RFX4: variants seen among roughly 807,000 people sequenced by gnomAD.
RFX4 encodes regulatory factor X4.
A neutral mutation model predicts 95.0 loss-of-function variants in RFX4; 10 were observed. The observed-to-expected ratio is 0.11, with a 90% CI of 0.06 to 0.18. The LOEUF is 0.18. Among genes scored for constraint, RFX4 ranks in the 10% least tolerant of loss-of-function variants. The pLI is 1.00. For missense variants in RFX4, 640 were observed against 922.0 expected (o/e 0.69, Z 3.96); for synonymous variants, 321 against 340.7 (o/e 0.94, Z 0.64).
rs549297446 is a variant in RFX4 at position 106,595,708 on chromosome 12, A to G, written c.43+12345A>G. The stretch of plus-strand genomic sequence containing the variant: ...ATTTCACTTAGAATAGGTTCAACAT[A>G]AAAACCTTGCTGTTAAAAGAACAGC... On this transcript the variant is annotated intron_variant, in intron 1 of 17. Coordinates refer to ENST00000392842, the MANE Select transcript of RFX4 (RefSeq NM_213594.3). Among the ~76,000 whole-genome samples, 140 of 152,326 alleles carry G rather than the reference A, an allele frequency of 9.2e-4. 1 individual carries two copies. The South Asian group carries it at 0.022, about 24-fold the overall frequency.
intron 1 of RFX4, among the ~76,000 whole-genome samples, chr12:106,607,362 C>T (rs183856784): frequency 6.6e-6 from 1 of 152,198 alleles, no homozygotes; most frequent in East Asian, 1.9e-4. Context: ...TTTAGAAATA[C>T]ACAAATACAA....
chr12:106,662,133 C>T, intron 4 of RFX4: 1 of 382,580 alleles, frequency 2.6e-6, no homozygotes, highest in Non-Finnish European at 5.2e-6. Context: ...TTGTAATAAA[C>T]TGCCAAACTG....
At chr12:106,693,109 G>C (rs1383496419) in intron 7 of RFX4, 5 of 443,360 alleles carry the variant, frequency 1.1e-5, no homozygotes, top group Admixed American at 7.3e-5. Context: ...CTTCTGCAGG[G>C]AAACACTGCA....
chr12:106,741,321 G>A (rs989785099), intron 15 of RFX4, among the ~76,000 whole-genome samples: 1 of 152,032 alleles, frequency 6.6e-6, no homozygotes, highest in Non-Finnish European at 1.5e-5. Flanking sequence ...GACATACCTA[G>A]AGATACAGGT....
intron 2 of RFX4, among the ~76,000 whole-genome samples, chr12:106,616,220 A>G (rs755822197): frequency 2.6e-5 from 4 of 152,162 alleles, no homozygotes; most frequent in Non-Finnish European, 5.9e-5. Context: ...TGATGATCAT[A>G]TATTTTTCTC....
chr12:106,668,217 C>T (rs1400812349), intron 4 of RFX4, among the ~76,000 whole-genome samples: 1 of 152,168 alleles, frequency 6.6e-6, no homozygotes, highest in African/African-American at 2.4e-5. Flanking sequence ...TATATCACCT[C>T]ATGGTCCAAA....
At chr12:106,744,279 T>G (rs1156652957) in intron 15 of RFX4, among the ~76,000 whole-genome samples, 1 of 152,186 alleles carries the variant, frequency 6.6e-6, no homozygotes, top group Non-Finnish European at 1.5e-5. Context: ...GGAATAGATG[T>G]GCAAAGCAGG....
At chr12:106,678,490 A>AG (rs1473383100) in intron 4 of RFX4, among the ~76,000 whole-genome samples, 1 of 152,256 alleles carries the variant, frequency 6.6e-6, no homozygotes, top group Non-Finnish European at 1.5e-5. Flanking sequence ...AAGGAAAGAA[A>AG]GAAAAAAATA....
At chr12:106,602,573 G>T (rs770057096) in intron 1 of RFX4, among the ~76,000 whole-genome samples, 1 of 152,056 alleles carries the variant, frequency 6.6e-6, no homozygotes, top group Non-Finnish European at 1.5e-5. Flanking sequence ...CCACCTCCCC[G>T]TCAGTCACTC....
intron 4 of RFX4, among the ~76,000 whole-genome samples, chr12:106,663,143 A>G (rs542044101): frequency 3.3e-5 from 5 of 152,108 alleles, no homozygotes; most frequent in Non-Finnish European, 7.4e-5. Flanking sequence ...GTTGATCAAG[A>G]TGGGAATAAC....
chr12:106,747,599 G>A lies in RFX4; in HGVS notation c.1796G>A (p.Gly599Glu), dbSNP rs1222780118. The A allele has an allele frequency of 1.2e-6, 2 of 1,612,948 alleles. No individual in the cohort carries two copies. The highest frequency in any genetic ancestry group is 8.5e-7 in the Non-Finnish European group (1 of 1,179,308). ...GTTTATCCCCACAGAGAGGAACATGGGTAGGTAACTTTCCAGGGATGCTGC... is the reference window on the plus strand; with the variant it reads ...GTTTATCCCCACAGAGAGGAACATGAGTAGGTAACTTTCCAGGGATGCTGC... ...IPVYPHREEH[G>E]YTGSYNYGSY... Residue 599 changes from glycine to glutamate, a missense_variant and splice_region_variant, in exon 16 of 18, where the codon GGA becomes GAA. Transcript: ENST00000392842.
chr12:106,653,903 A>G (rs2040905098), intron 3 of RFX4, among the ~76,000 whole-genome samples: 1 of 152,150 alleles, frequency 6.6e-6, no homozygotes, highest in African/African-American at 2.4e-5. Context: ...ACAAGACCCT[A>G]TGTAGTTTTT....
intron 8 of RFX4, among the ~76,000 whole-genome samples, chr12:106,702,063 G>A (rs964471082): frequency 6.6e-6 from 1 of 151,954 alleles, no homozygotes; most frequent in East Asian, 1.9e-4. Flanking sequence ...AATTATTTAT[G>A]TGTTCTTCTG....
intron 2 of RFX4, among the ~76,000 whole-genome samples, chr12:106,622,764 G>T (rs964796727): frequency 7.2e-5 from 11 of 151,936 alleles, no homozygotes; most frequent in African/African-American, 2.4e-4. Flanking sequence ...TGGACTACAG[G>T]CACGTGCCAC....
At chr12:106,652,941 T>C (rs1324278521) in intron 3 of RFX4, among the ~76,000 whole-genome samples, 1 of 152,150 alleles carries the variant, frequency 6.6e-6, no homozygotes, top group East Asian at 1.9e-4. Context: ...GACCAAAAAA[T>C]TGGGGGTGGG....
intron 2 of RFX4, among the ~76,000 whole-genome samples, chr12:106,627,943 A>T (rs61168723): frequency 0.033 from 5,089 of 152,286 alleles, 214 homozygotes; most frequent in African/African-American, 0.099. Context: ...CCAGGACAGG[A>T]TTCAACAGGA....
chr12:106,629,600 G>C (rs891058188), intron 2 of RFX4, among the ~76,000 whole-genome samples: 4 of 152,046 alleles, frequency 2.6e-5, no homozygotes, highest in Admixed American at 6.6e-5. Flanking sequence ...TCCTACCTCA[G>C]CCTTCTGAAT....
chr12:106,740,724 G>C (rs941036632), intron 15 of RFX4, among the ~76,000 whole-genome samples: 3 of 152,206 alleles, frequency 2.0e-5, no homozygotes, highest in Non-Finnish European at 4.4e-5. Context: ...AGGTAAAGGT[G>C]TAATTTCAAA....
intron 17 of RFX4, among the ~76,000 whole-genome samples, chr12:106,760,009 A>C (rs2043181425): frequency 6.6e-6 from 1 of 151,994 alleles, no homozygotes; most frequent in Admixed American, 6.6e-5. Context: ...GGGAGCAGCC[A>C]TTGTTGTCAT....
Sources: allele counts gnomAD v4.1 joint callset (sites outside exome capture counted in the v4.1 genomes callset), GRCh38; gene constraint gnomAD v4.1.1; transcripts MANE v1.5; gene names NCBI Gene and HGNC (gene_info 2026-07-23, HGNC 2026-07-21).